Variants in PXDNL observed in about 807,000 individuals in gnomAD.
The protein encoded by PXDNL is probable oxidoreductase PXDNL.
In PXDNL, 145 loss-of-function variants were observed where a neutral mutation model predicts 150.8. The ratio of observed to expected loss-of-function variants is 0.96; its 90% CI spans 0.84 to 1.10. The LOEUF (loss-of-function observed/expected upper bound fraction) is 1.10, where lower values mean the gene tolerates loss of function less well. Among genes scored for constraint, PXDNL ranks in the 50% least tolerant of loss-of-function variants. The pLI, the probability that PXDNL is intolerant of heterozygous loss-of-function variation, is 0.00. For missense variants in PXDNL, 2,087 were observed against 1,873.9 expected, an observed-to-expected ratio of 1.11 and a Z score of -2.10; for synonymous variants, 757 against 725.7, an observed-to-expected ratio of 1.04 and a Z score of -0.69.
At chr8:51,473,330 C>T (rs570805333) in intron 7 of PXDNL, among the ~76,000 whole-genome samples, 4 of 121,512 alleles carry the variant, frequency 3.3e-5, no homozygotes, top group East Asian at 2.7e-4. Context: ...TTAACATATG[C>T]GGCAAATGCT....
intron 17 of PXDNL, among the ~76,000 whole-genome samples, chr8:51,382,244 C>A (rs902808823): frequency 6.6e-6 from 1 of 152,148 alleles, no homozygotes; most frequent in Non-Finnish European, 1.5e-5. Flanking sequence ...GCCAGGGAAA[C>A]CAAGGGTTGC....
At chr8:51,448,265 A>C (rs1463670410) in intron 11 of PXDNL, among the ~76,000 whole-genome samples, 1 of 152,168 alleles carries the variant, frequency 6.6e-6, no homozygotes, top group Admixed American at 6.5e-5. Flanking sequence ...AGGGGGTTAG[A>C]TCCTGCCTGC....
At chr8:51,600,682 A>G (rs1340934342) in intron 2 of PXDNL, among the ~76,000 whole-genome samples, 1 of 138,464 alleles carries the variant, frequency 7.2e-6, no homozygotes, top group Non-Finnish European at 1.5e-5. Flanking sequence ...TATAATTTAT[A>G]TGATAAATTA....
intron 1 of PXDNL, among the ~76,000 whole-genome samples, chr8:51,785,591 T>C (rs556098702): frequency 6.6e-6 from 1 of 152,322 alleles, no homozygotes; most frequent in South Asian, 2.1e-4. Context: ...ATTATATCTG[T>C]TATAGTGGTC....
chr8:51,525,120 T>TA (rs112492123), intron 4 of PXDNL, among the ~76,000 whole-genome samples: 21,276 of 148,566 alleles, frequency 0.14, 1,619 homozygotes, highest in East Asian at 0.24. Flanking sequence ...CACCTTTATT[T>TA]AAAAAAAAAA....
Position 51,364,827 on chromosome 8 carries a change from C to A in PXDNL, c.3901+7046G>T, listed in dbSNP as rs190300691. Among the ~76,000 whole-genome samples the A allele has an allele frequency of 5.1e-3, 773 of 152,280 alleles. 5 individuals are homozygous for A. The highest frequency in any genetic ancestry group is 8.6e-3 in the Non-Finnish European group (588 of 68,004). ...CAAATGGGCATCTTTTGTTAGGTTT[C>A]TTTTCCCATGGTTTGGAGTAAATGA... is the stretch of plus-strand genomic sequence containing the variant. On this transcript the variant is annotated intron_variant, in intron 19 of 22. Coordinates refer to ENST00000356297, the MANE Select transcript of PXDNL (RefSeq NM_144651.5).
intron 2 of PXDNL, among the ~76,000 whole-genome samples, chr8:51,654,038 C>T (rs183757673): frequency 3.9e-5 from 6 of 152,290 alleles, no homozygotes; most frequent in Admixed American, 3.3e-4. Context: ...CTGACTGCCC[C>T]ACAATGTCAG....
chr8:51,519,899 T>A (rs1300480907), intron 4 of PXDNL, among the ~76,000 whole-genome samples: 1 of 152,198 alleles, frequency 6.6e-6, no homozygotes, highest in East Asian at 1.9e-4. Context: ...GAGCCATCCC[T>A]AAATCTGAAA....
intron 1 of PXDNL, among the ~76,000 whole-genome samples, chr8:51,727,175 G>A (rs1470018139): frequency 1.3e-5 from 2 of 152,204 alleles, no homozygotes; most frequent in African/African-American, 2.4e-5. Context: ...GTGCAGACTA[G>A]GAACAAGATA....
Position 51,372,094 on chromosome 8 carries a change from C to CAA in PXDNL, c.3693-15_3693-14dup, listed in dbSNP as rs5891410. The CAA allele has an allele frequency of 0.022, 25,569 of 1,179,802 alleles. 5 individuals carry two copies. Among genetic ancestry groups the CAA allele is most frequent in the Admixed American group, 0.039 (1,604 of 41,214 alleles). The allele number at this position is 1,179,802 out of a possible 1,614,324, so 73.1% of individuals were successfully genotyped here. A position where few individuals can be genotyped will look rare whatever the true frequency, so the allele number is the denominator to read the frequency against. ...TTCATACCAGAACCTGGTAGTCAACCAAAAAAAAAACATTGTCGTGGGTCT... is the reference window on the plus strand; with the variant it reads ...TTCATACCAGAACCTGGTAGTCAACCAAAAAAAAAAAACATTGTCGTGGGTCT... On this transcript the variant is annotated splice_polypyrimidine_tract_variant and intron_variant, in intron 18 of 22. Coordinates refer to ENST00000356297, the MANE Select transcript of PXDNL (RefSeq NM_144651.5).
chr8:51,582,020 AT>A (rs113970302), intron 3 of PXDNL, among the ~76,000 whole-genome samples: 25 of 152,068 alleles, frequency 1.6e-4, no homozygotes, highest in Non-Finnish European at 3.4e-4. Flanking sequence ...AAATGATATA[AT>A]TTTTTAAATG....
intron 4 of PXDNL, among the ~76,000 whole-genome samples, chr8:51,516,508 A>G (rs560408258): frequency 1.3e-5 from 2 of 152,190 alleles, no homozygotes; most frequent in South Asian, 2.1e-4. Flanking sequence ...AAAATCCACC[A>G]TGATAAGTAA....
chr8:51,628,408 T>TTC (rs984036030), intron 2 of PXDNL, among the ~76,000 whole-genome samples: 8 of 121,308 alleles, frequency 6.6e-5, no homozygotes, highest in Non-Finnish European at 3.5e-5. Flanking sequence ...TCTTTTTTTT[T>TTC]TTTTTTTTTT....
intron 1 of PXDNL, among the ~76,000 whole-genome samples, chr8:51,713,714 G>C (rs1341429077): frequency 6.6e-6 from 1 of 152,148 alleles, no homozygotes; most frequent in African/African-American, 2.4e-5. Flanking sequence ...GAAATAAACT[G>C]CTTGCCATTT....
At chr8:51,768,318 G>A (rs2037254232) in intron 1 of PXDNL, among the ~76,000 whole-genome samples, 1 of 145,960 alleles carries the variant, frequency 6.9e-6, no homozygotes, top group African/African-American at 2.5e-5. Context: ...TCCTTGCTCT[G>A]CCATTCCAAA....
At chr8:51,767,172 T>A (rs1384340226) in intron 1 of PXDNL, among the ~76,000 whole-genome samples, 2 of 152,068 alleles carry the variant, frequency 1.3e-5, no homozygotes, top group Non-Finnish European at 2.9e-5. Flanking sequence ...TGAGTTTTCT[T>A]ATGGATAGTT....
intron 1 of PXDNL, among the ~76,000 whole-genome samples, chr8:51,754,914 G>A (rs79726617): frequency 0.025 from 3,786 of 152,150 alleles, 162 homozygotes; most frequent in African/African-American, 0.086. Flanking sequence ...TTAGAGATGC[G>A]GTCTCACCAG....
At chr8:51,728,209 A>G (rs762005025) in intron 1 of PXDNL, among the ~76,000 whole-genome samples, 6 of 152,240 alleles carry the variant, frequency 3.9e-5, no homozygotes, top group Non-Finnish European at 5.9e-5. Context: ...AAACACACCT[A>G]CTGTGCTGCC....
At chr8:51,757,801 C>T (rs983939268) in intron 1 of PXDNL, among the ~76,000 whole-genome samples, 5 of 152,150 alleles carry the variant, frequency 3.3e-5, no homozygotes, top group Non-Finnish European at 5.9e-5. Context: ...CAGATTGCCT[C>T]TGAATGTCTT....
Sources: allele counts gnomAD v4.1 joint callset (sites outside exome capture counted in the v4.1 genomes callset), GRCh38; gene constraint gnomAD v4.1.1; transcripts MANE v1.5; gene names NCBI Gene and HGNC (gene_info 2026-07-23, HGNC 2026-07-21).